HDAC5: variants seen among roughly 807,000 people sequenced by gnomAD.
HDAC5 encodes histone deacetylase 5, also known as antigen NY-CO-9.
HDAC5 carries 25 observed loss-of-function variants against 133.3 expected under a neutral mutation model. The ratio of observed to expected loss-of-function variants is 0.19; its 90% CI spans 0.14 to 0.26. The LOEUF is 0.26. Ranked by LOEUF, HDAC5 falls within the 10% of genes least tolerant of loss-of-function variation. The pLI is 1.00. For missense variants in HDAC5, 1,041 were observed against 1,460.5 expected, an observed-to-expected ratio of 0.71 and a Z score of 4.68; for synonymous variants, 589 against 610.8, an observed-to-expected ratio of 0.96 and a Z score of 0.53.
chr17:44,114,367 A>C (rs2052519535), intron 2 of HDAC5, among the ~76,000 whole-genome samples: 1 of 152,170 alleles, frequency 6.6e-6, no homozygotes. Flanking sequence ...GCTGGAAGGC[A>C]GGACACCGAG....
At chr17:44,080,522 G>A in intron 21 of HDAC5, 24 bp from the exon 22 acceptor site, 1 of 1,606,128 alleles carries the variant, frequency 6.2e-7, no homozygotes, top group Middle Eastern at 1.7e-4. Flanking sequence ...TGGGGAGAGG[G>A]CTATTCTCAC....
Position 44,110,761 on chromosome 17 carries a change from G to T in HDAC5, c.62C>A (p.Pro21Gln). The change falls in exon 3 of 27, where the codon CCG becomes CAG. Residue 21 changes from proline to glutamine, a missense_variant. By Grantham distance (76) the Pro-to-Gln change is moderately conservative. Transcript: ENST00000682912. The stretch of plus-strand genomic sequence containing the variant: ...AGGGATGCTGTGCAGAGAAGTCCGC[G>T]GCAGGATTTCCAAGGATGGTTCCCG... ...SGREPSLEIL[P>Q]RTSLHSIPVT... 1 of 1,613,960 alleles carries T rather than the reference G, an allele frequency of 6.2e-7. No individual in the cohort carries two copies. Among genetic ancestry groups the T allele is most frequent in the Non-Finnish European group, 8.5e-7 (1 of 1,179,924 alleles).
chr17:44,088,745 C>T (rs895588945), intron 11 of HDAC5, 147 bp from the exon 12 acceptor site: 66 of 1,159,792 alleles, frequency 5.7e-5, no homozygotes, highest in Non-Finnish European at 7.2e-5. Flanking sequence ...AAGCACCCCC[C>T]ACCCAAACCT....
At chr17:44,108,687 G>A (rs1480520958) in intron 3 of HDAC5, among the ~76,000 whole-genome samples, 1 of 146,350 alleles carries the variant, frequency 6.8e-6, no homozygotes, top group Non-Finnish European at 1.5e-5. Flanking sequence ...TATCCGGGGT[G>A]GATTTTTTTT....
Position 44,123,491 on chromosome 17 carries a change from G to A in HDAC5, c.-190+13C>T. 2 of 375,698 alleles carry A rather than the reference G, an allele frequency of 5.3e-6. No individual in the cohort carries two copies. The highest frequency in any genetic ancestry group is 9.4e-6 in the Non-Finnish European group (2 of 211,658). The allele number at this position is 375,698 out of a possible 1,614,324, so 23.3% of individuals were successfully genotyped here. On this transcript the variant is annotated intron_variant, in intron 1 of 26. Transcript: ENST00000682912. ...CGGGGAAGATGGGATCTGGGCCGGG[G>A]CGGCGCGCTCACCCGCTGCGGCTCG...
rs749635007 is a variant in HDAC5, at chr17:44,092,157, C to G, written c.1032+15G>C. On this transcript the variant is annotated intron_variant, in intron 9 of 26. Transcript: ENST00000682912. Reference sequence around the variant, plus strand: ...ACTCTGTCCCCGCCCCACCAGCCCCCAGCCAGGCCTGTACCTCAGTGGGGA... The same window carrying G: ...ACTCTGTCCCCGCCCCACCAGCCCCGAGCCAGGCCTGTACCTCAGTGGGGA... The G allele has an allele frequency of 1.2e-6, 2 of 1,607,440 alleles. No individual in the cohort carries two copies. The highest frequency in any genetic ancestry group is 3.4e-5 in the Admixed American group (2 of 59,656).
chr17:44,079,625 G>C (rs948755758), intron 23 of HDAC5, among the ~76,000 whole-genome samples: 1 of 117,788 alleles, frequency 8.5e-6, no homozygotes, highest in Non-Finnish European at 1.7e-5. Context: ...GGGTGACAGA[G>C]TGAGACTCCA....
At chr17:44,122,152 C>G (rs2053047438) in intron 1 of HDAC5, among the ~76,000 whole-genome samples, 2 of 151,940 alleles carry the variant, frequency 1.3e-5, no homozygotes, top group African/African-American at 4.8e-5. Context: ...TCCAGCCCAG[C>G]CAGCCTAGCC....
intron 2 of HDAC5, chr17:44,111,354 G>A: frequency 3.0e-6 from 1 of 328,790 alleles, no homozygotes; most frequent in Non-Finnish European, 6.1e-6. Flanking sequence ...TGGGGGGGGA[G>A]GCGGTTCTAC....
chr17:44,105,859 A>G lies in HDAC5; in HGVS notation c.94+4870T>C, dbSNP rs553932652. 2.4e-4 allele frequency among the ~76,000 whole-genome samples: 36 copies of G among 152,330 alleles called. No homozygotes were observed. The South Asian group carries it at 4.1e-3, about 18-fold the overall frequency. ...TGGGCCCTGTGACCCATGTCCACAC[A>G]GCTCTTACTCCAAGGATGGGCTCAG... On this transcript the variant is annotated intron_variant, in intron 3 of 26. Coordinates refer to ENST00000682912, the MANE Select transcript of HDAC5 (RefSeq NM_005474.5).
At chr17:44,081,353 G>T (rs187048997) in intron 20 of HDAC5, among the ~76,000 whole-genome samples, 1 of 151,128 alleles carries the variant, frequency 6.6e-6, no homozygotes, top group African/African-American at 2.4e-5. Context: ...GGGTTCAAGC[G>T]ATTCTCCTGC....
At chr17:44,087,377 G>A (rs374042001) in intron 13 of HDAC5, 35 bp downstream of exon 13, 10 of 753,782 alleles carry the variant, frequency 1.3e-5, no homozygotes, top group Non-Finnish European at 2.2e-5. Context: ...ACAGAGGGGT[G>A]GTGACCAAGG....
chr17:44,114,987 T>C (rs887927196), intron 2 of HDAC5, among the ~76,000 whole-genome samples: 1 of 152,084 alleles, frequency 6.6e-6, no homozygotes. Flanking sequence ...GCTCCCACCT[T>C]CCTGGGCAGT....
At chr17:44,118,819 C>G (rs566104275) in intron 1 of HDAC5, among the ~76,000 whole-genome samples, 1 of 152,196 alleles carries the variant, frequency 6.6e-6, no homozygotes, top group Non-Finnish European at 1.5e-5. Context: ...CCCCAAGCCT[C>G]GAACCAGCAA....
chr17:44,103,454 T>A (rs1684662), intron 3 of HDAC5, among the ~76,000 whole-genome samples: 101,791 of 151,840 alleles, frequency 0.67, 35,480 homozygotes, highest in South Asian at 0.88. Context: ...CAATTCAGGC[T>A]CTCCCCTTCC....
At chr17:44,111,883 AG>A (rs2052369182) in intron 2 of HDAC5, among the ~76,000 whole-genome samples, 1 of 152,120 alleles carries the variant, frequency 6.6e-6, no homozygotes, top group Admixed American at 6.5e-5. Flanking sequence ...ACCCCAATCC[AG>A]GAAAAGGGAC....
At chr17:44,088,340 G>A in intron 12 of HDAC5, 47 bp downstream of exon 12, 2 of 1,536,140 alleles carry the variant, frequency 1.3e-6, no homozygotes, top group Non-Finnish European at 1.8e-6. Flanking sequence ...ACTCTCCTGT[G>A]TCCTGCCCCC....
chr17:44,108,310 A>G (rs535557910), intron 3 of HDAC5, among the ~76,000 whole-genome samples: 3 of 152,324 alleles, frequency 2.0e-5, no homozygotes, highest in Admixed American at 6.5e-5. Context: ...AATAGAGCCC[A>G]GGAATCCTGC....
Position 44,117,354 on chromosome 17 carries a change from G to A in HDAC5, c.22+140C>T. On this transcript the variant is annotated intron_variant, in intron 2 of 26. Coordinates refer to ENST00000682912, the MANE Select transcript of HDAC5 (RefSeq NM_005474.5). The surrounding 1 kb of genome is among the most constrained non-coding windows in gnomAD (Gnocchi z 4.2). ...AGGTCTACCTCATGGGCCCTTTCTT[G>A]CAACACTTCTCCACTCCTTACCCCC... is the stretch of plus-strand genomic sequence containing the variant. 1 of 967,954 alleles carries A rather than the reference G, an allele frequency of 1.0e-6. No homozygotes were observed. The highest frequency in any genetic ancestry group is 1.7e-6 in the Non-Finnish European group (1 of 604,092). 60.0% of individuals were successfully genotyped at this position (967,954 alleles called of 1,614,324 possible).
Sources: allele counts gnomAD v4.1 joint callset (sites outside exome capture counted in the v4.1 genomes callset), GRCh38; gene constraint gnomAD v4.1.1; non-coding constraint Gnocchi (gnomAD v3.1); transcripts MANE v1.5; gene names NCBI Gene and HGNC (gene_info 2026-07-23, HGNC 2026-07-21).